SEMA5A: variants seen among roughly 807,000 people sequenced by gnomAD.
SEMA5A encodes semaphorin 5A.
Under a neutral mutation model 135.5 loss-of-function variants are expected in SEMA5A, and 55 were observed. The ratio of observed to expected loss-of-function variants is 0.41; its 90% CI spans 0.33 to 0.51. The LOEUF is 0.51. SEMA5A is among the 20% of genes least tolerant of loss of function. SEMA5A has a pLI of 0.37. For missense variants in SEMA5A, 1,290 were observed against 1,419.9 expected (o/e 0.91, Z 1.47); for synonymous variants, 580 against 546.5 (o/e 1.06, Z -0.85).
At chr5:9,088,135 C>T (rs978150051) in intron 16 of SEMA5A, among the ~76,000 whole-genome samples, 1 of 151,810 alleles carries the variant, frequency 6.6e-6, no homozygotes. Flanking sequence ...GGTGAAACCC[C>T]GTCTGCACTA....
At chr5:9,502,513 G>A (rs1735648400) in intron 1 of SEMA5A, among the ~76,000 whole-genome samples, 1 of 152,286 alleles carries the variant, frequency 6.6e-6, no homozygotes, top group African/African-American at 2.4e-5. Context: ...CAGAGAGCTG[G>A]CCTGGAGTCG....
At chr5:9,496,149 G>T (rs1579634677) in intron 1 of SEMA5A, among the ~76,000 whole-genome samples, 1 of 152,110 alleles carries the variant, frequency 6.6e-6, no homozygotes, top group African/African-American at 2.4e-5. Flanking sequence ...GGTTCAAGCA[G>T]TTCTCCTGCC....
Position 9,150,804 on chromosome 5 carries a change from C to T in SEMA5A, c.1481+3684G>A, listed in dbSNP as rs549894871. 4.6e-5 allele frequency among the ~76,000 whole-genome samples: 7 copies of T among 152,276 alleles called. No individual in the cohort carries two copies. In the South Asian group the frequency reaches 1.0e-3, roughly 23 times the overall value. ...GCAAGCAGAATGAGGAAGAGGCTAA[C>T]GGGAAGGGGGTTGAGCCTCTCTCAG... On this transcript the variant is annotated intron_variant, in intron 12 of 22. Transcript: ENST00000382496.
At chr5:9,454,845 C>T (rs1048569805) in intron 1 of SEMA5A, among the ~76,000 whole-genome samples, 1 of 152,180 alleles carries the variant, frequency 6.6e-6, no homozygotes, top group Non-Finnish European at 1.5e-5. Context: ...GTATCTTTCT[C>T]TACCTCCATT....
intron 2 of SEMA5A, among the ~76,000 whole-genome samples, chr5:9,389,910 C>G (rs185935958): frequency 6.6e-6 from 1 of 152,162 alleles, no homozygotes; most frequent in African/African-American, 2.4e-5. Context: ...TAAAACAAGG[C>G]TGTTAAAAAC....
Position 9,318,433 on chromosome 5 carries a change from A to G in SEMA5A, c.225-16T>C, listed in dbSNP as rs776822275. ...GAGGTAGTTTCTGCAAAATACAAAA[A>G]CAGAGCAGTTTTATTTTTAATAGAT... On this transcript the variant is annotated splice_polypyrimidine_tract_variant and intron_variant, in intron 4 of 22. Transcript: ENST00000382496. The G allele has an allele frequency of 4.5e-5, 73 of 1,606,722 alleles. No homozygotes were observed. The highest frequency in any genetic ancestry group is 6.1e-5 in the Non-Finnish European group (72 of 1,176,068).
chr5:9,351,176 T>C (rs1754097222), intron 3 of SEMA5A, among the ~76,000 whole-genome samples: 1 of 152,076 alleles, frequency 6.6e-6, no homozygotes. Flanking sequence ...AATCTTTAGC[T>C]TTTACAAAGG....
intron 1 of SEMA5A, among the ~76,000 whole-genome samples, chr5:9,445,677 A>C (rs1018320971): frequency 2.6e-5 from 4 of 152,086 alleles, no homozygotes; most frequent in Non-Finnish European, 5.9e-5. Context: ...TCAAAAAAAA[A>C]AGTGTCAGAT....
At chr5:9,401,041 C>A (rs992015034) in intron 2 of SEMA5A, among the ~76,000 whole-genome samples, 7 of 152,120 alleles carry the variant, frequency 4.6e-5, no homozygotes, top group Admixed American at 1.3e-4. Flanking sequence ...CCTTAGACAA[C>A]CCTGAGAGAC....
At chr5:9,065,854 C>A (rs1487247629) in intron 17 of SEMA5A, among the ~76,000 whole-genome samples, 3 of 152,186 alleles carry the variant, frequency 2.0e-5, no homozygotes, top group Non-Finnish European at 4.4e-5. Flanking sequence ...CAGGCAGAGG[C>A]CAGATCTGGT....
At chr5:9,352,958 AG>A (rs1240800853) in intron 3 of SEMA5A, among the ~76,000 whole-genome samples, 1 of 151,860 alleles carries the variant, frequency 6.6e-6, no homozygotes, top group African/African-American at 2.4e-5. Context: ...AAAATCATAG[AG>A]TAAAAGGCTC....
At chr5:9,433,314 G>T (rs1041517207) in intron 2 of SEMA5A, among the ~76,000 whole-genome samples, 1 of 151,984 alleles carries the variant, frequency 6.6e-6, no homozygotes, top group African/African-American at 2.4e-5. Context: ...TTTTATAGAT[G>T]AAAATGTTTT....
Position 9,344,165 on chromosome 5 carries a change from TGA to T in SEMA5A, c.125-6355_125-6354del, listed in dbSNP as rs1427633240. Among the ~76,000 whole-genome samples, 7 of 152,348 alleles carry T rather than the reference TGA, an allele frequency of 4.6e-5. No individual in the cohort carries two copies. In the East Asian group the frequency reaches 1.3e-3, roughly 29 times the overall value. On this transcript the variant is annotated intron_variant, in intron 3 of 22. Transcript: ENST00000382496. ...TACTGACTTGGTATCAGGAATTGTATGAGATACTTTTACATATTAACTATTTT... is the reference window on the plus strand; with the variant it reads ...TACTGACTTGGTATCAGGAATTGTATGATACTTTTACATATTAACTATTTT...
intron 12 of SEMA5A, among the ~76,000 whole-genome samples, chr5:9,142,518 A>G (rs1273299998): frequency 2.6e-5 from 4 of 152,228 alleles, no homozygotes; most frequent in Admixed American, 2.0e-4. Context: ...TCAAACATCA[A>G]TATTAACTTC....
intron 5 of SEMA5A, among the ~76,000 whole-genome samples, chr5:9,281,060 G>A (rs1214109389): frequency 2.0e-5 from 3 of 152,058 alleles, no homozygotes; most frequent in South Asian, 2.1e-4. Flanking sequence ...CTTTATAGAT[G>A]AGAAACCAAA....
intron 2 of SEMA5A, among the ~76,000 whole-genome samples, chr5:9,394,677 TAA>T (rs138009568): frequency 1.3e-5 from 2 of 152,194 alleles, no homozygotes; most frequent in East Asian, 3.9e-4. Context: ...GAAGTGGAAA[TAA>T]AGAGACCACA....
intron 1 of SEMA5A, among the ~76,000 whole-genome samples, chr5:9,456,989 C>G (rs1346079836): frequency 6.6e-6 from 1 of 152,126 alleles, no homozygotes; most frequent in Admixed American, 6.5e-5. Flanking sequence ...GTAACTAAAG[C>G]CTCTAAGACA....
At chr5:9,302,388 G>A (rs572799520) in intron 5 of SEMA5A, among the ~76,000 whole-genome samples, 2 of 152,282 alleles carry the variant, frequency 1.3e-5, no homozygotes, top group South Asian at 4.1e-4. Context: ...GCTAACGCAT[G>A]GATCATCTCT....
intron 9 of SEMA5A, among the ~76,000 whole-genome samples, chr5:9,199,948 A>T (rs1037674755): frequency 1.3e-5 from 2 of 152,166 alleles, no homozygotes; most frequent in African/African-American, 4.8e-5. Context: ...GTGCTGAGAA[A>T]CCTTGACGAA....
Sources: gnomAD v4.1 joint callset for allele counts (sites outside exome capture counted in the v4.1 genomes callset) on GRCh38, gnomAD v4.1.1 for gene constraint, MANE v1.5 for transcripts, NCBI Gene and HGNC (gene_info 2026-07-23, HGNC 2026-07-21) for gene names.